Variants in KMO observed in about 807,000 individuals in gnomAD.
KMO encodes the protein kynurenine 3-monooxygenase.
KMO carries 24 observed loss-of-function variants against 57.8 expected under a neutral mutation model. The ratio of observed to expected loss-of-function variants is 0.42; its 90% CI spans 0.30 to 0.58. The LOEUF is 0.58. KMO is among the 20% of genes least tolerant of loss of function. The pLI, the probability that KMO is intolerant of heterozygous loss-of-function variation, is 0.22. For synonymous variants in KMO, 210 were observed against 193.6 expected (o/e 1.08, Z -0.70); for missense variants, 483 against 588.2 (o/e 0.82, Z 1.85).
Position 241,560,601 on chromosome 1 carries a change from A to G in KMO, c.362-64A>G, listed in dbSNP as rs1052609571. The G allele has an allele frequency of 6.0e-6, 7 of 1,157,604 alleles. No individual in the cohort carries two copies. In the African/African-American group the frequency reaches 9.1e-5, roughly 15 times the overall value. The allele number at this position is 1,157,604 out of a possible 1,614,324, so 71.7% of individuals were successfully genotyped here. The stretch of plus-strand genomic sequence containing the variant: ...TTCCCAGAAAACAATTACTATTTCA[A>G]TTTGATTAAGTGAAGTAAGAATTGA... On this transcript the variant is annotated intron_variant, in intron 5 of 14. Coordinates refer to ENST00000366559, the MANE Select transcript of KMO (RefSeq NM_003679.5).
At chr1:241,551,156 G>T in intron 4 of KMO, 112 bp downstream of exon 4, 1 of 682,968 alleles carries the variant, frequency 1.5e-6, no homozygotes, top group South Asian at 1.8e-5. Flanking sequence ...ACATTGCTTG[G>T]CTCAGTCTAG....
intron 10 of KMO, chr1:241,586,442 C>T (rs530196762): frequency 7.8e-4 from 329 of 421,466 alleles, no homozygotes; most frequent in African/African-American, 5.4e-3. Context: ...TCAAGCGATC[C>T]GCTCACCTCG....
intron 8 of KMO, among the ~76,000 whole-genome samples, chr1:241,566,160 TG>T (rs1368495544): frequency 2.0e-5 from 3 of 152,142 alleles, no homozygotes; most frequent in African/African-American, 7.2e-5. Flanking sequence ...GAGCTGAGAT[TG>T]CCCCACAGCA....
Position 241,594,660 on chromosome 1 carries a change from A to C in KMO, c.*2507A>C, listed in dbSNP as rs1404609200. 4 of 1,613,896 alleles carry C rather than the reference A, an allele frequency of 2.5e-6. No homozygotes were observed. Among genetic ancestry groups the C allele is most frequent in the South Asian group, 2.2e-5 (2 of 91,076 alleles). Reference sequence around the variant, plus strand: ...AGGCCTCTGGCACCTCAGCAGTCGGAGGCACAGAAGCTGCAAAAGGGATCT... The same window carrying C: ...AGGCCTCTGGCACCTCAGCAGTCGGCGGCACAGAAGCTGCAAAAGGGATCT... On this transcript the variant is annotated 3_prime_UTR_variant, in exon 15 of 15. Transcript: ENST00000366559.
At chr1:241,584,676 C>A (rs1433567618) in intron 10 of KMO, among the ~76,000 whole-genome samples, 2 of 152,110 alleles carry the variant, frequency 1.3e-5, no homozygotes, top group African/African-American at 4.8e-5. Flanking sequence ...GCTTCATAAT[C>A]ATTAATCATA....
intron 5 of KMO, among the ~76,000 whole-genome samples, chr1:241,557,077 A>G (rs1210722634): frequency 2.0e-5 from 3 of 151,692 alleles, no homozygotes; most frequent in African/African-American, 7.3e-5. Flanking sequence ...GATATTTGTA[A>G]GAGAACAAAT....
rs1208868987 is a variant in KMO at position 241,590,232 on chromosome 1, A to T, written c.1229A>T (p.Glu410Val). ...MVTFSRIRYH[E>V]AVQRWHWQKK... ...ACTTTTTCCAGAATAAGATACCATG[A>T]GGCTGTGCAGCGTTGGCATTGGCAA... is the stretch of plus-strand genomic sequence containing the variant. The change falls in exon 14 of 15, where the codon GAG (glutamate) becomes GTG (valine). Residue 410 changes from glutamate to valine, a missense_variant. By Grantham distance (121) the Glu-to-Val change is moderately radical. This residue lies in a region of KMO where 410 missense variants were observed against 492.3 expected (regional missense o/e 0.83). Coordinates refer to ENST00000366559, the MANE Select transcript of KMO (RefSeq NM_003679.5). 1 of 1,613,754 alleles carries T rather than the reference A, an allele frequency of 6.2e-7. No homozygotes were observed. The highest frequency in any genetic ancestry group is 8.5e-7 in the Non-Finnish European group (1 of 1,179,838).
chr1:241,553,827 T>C (rs1016922119), intron 4 of KMO, among the ~76,000 whole-genome samples: 2 of 152,238 alleles, frequency 1.3e-5, no homozygotes, highest in Admixed American at 1.3e-4. Context: ...AAGATGTTTC[T>C]GTTCATTTTA....
At chr1:241,582,956 C>T (rs12068119) in intron 10 of KMO, among the ~76,000 whole-genome samples, 11 of 152,134 alleles carry the variant, frequency 7.2e-5, no homozygotes, top group Non-Finnish European at 1.0e-4. Flanking sequence ...ATGAGTGTTG[C>T]GGTCTAAGTT....
chr1:241,547,387 A>AT (rs1491095956), intron 1 of KMO, among the ~76,000 whole-genome samples: 1 of 152,126 alleles, frequency 6.6e-6, no homozygotes, highest in Non-Finnish European at 1.5e-5. Flanking sequence ...TAAAAATGAC[A>AT]AAGACTCTAT....
intron 10 of KMO, among the ~76,000 whole-genome samples, chr1:241,580,749 A>AT (rs536395616): frequency 1.6e-4 from 24 of 151,786 alleles, no homozygotes; most frequent in African/African-American, 2.9e-4. Context: ...ATTTTTTGAG[A>AT]TTTTTTTTGT....
At chr1:241,535,140 A>G (rs943146505) in intron 1 of KMO, among the ~76,000 whole-genome samples, 3 of 152,160 alleles carry the variant, frequency 2.0e-5, no homozygotes, top group Non-Finnish European at 4.4e-5. Flanking sequence ...TAACAGATGC[A>G]TGTTTGAATA....
In KMO at chr1:241,591,938, C is replaced by T. The variant is rs1663317179; in HGVS notation, c.1261-15C>T. ...TCTCTGGACAAATGAAATGAGAGTT[C>T]TTGCTGTCTTACAGGTGATAAACAA... On this transcript the variant is annotated splice_polypyrimidine_tract_variant and intron_variant, in intron 14 of 14. Transcript: ENST00000366559. 1 of 1,605,588 alleles carries T rather than the reference C, an allele frequency of 6.2e-7. No individual in the cohort carries two copies. The highest frequency in any genetic ancestry group is 1.1e-5 in the South Asian group (1 of 90,570).
intron 10 of KMO, 124 bp downstream of exon 10, chr1:241,568,771 G>T (rs1048033660): frequency 5.5e-6 from 5 of 910,650 alleles, no homozygotes; most frequent in Non-Finnish European, 8.2e-6. Flanking sequence ...AATCAATTCA[G>T]CAATCATACC....
At chr1:241,560,893 A>G (rs2077064308) in intron 6 of KMO, 141 bp downstream of exon 6, 3 of 649,226 alleles carry the variant, frequency 4.6e-6, no homozygotes, top group Middle Eastern at 2.5e-4. Context: ...GATTCAAGGA[A>G]TTTTAGATTG....
chr1:241,571,791 G>A (rs898993024), intron 10 of KMO, among the ~76,000 whole-genome samples: 2 of 151,446 alleles, frequency 1.3e-5, no homozygotes, highest in Non-Finnish European at 2.9e-5. Flanking sequence ...GGTAAGGCTG[G>A]CCTCTTAGAA....
At chr1:241,553,987 T>A (rs938749550) in intron 4 of KMO, among the ~76,000 whole-genome samples, 15 of 152,182 alleles carry the variant, frequency 9.9e-5, no homozygotes, top group African/African-American at 3.4e-4. Flanking sequence ...AAAATATTTG[T>A]TATGTCCCAT....
At chr1:241,581,327 G>A (rs1159255467) in intron 10 of KMO, among the ~76,000 whole-genome samples, 1 of 151,960 alleles carries the variant, frequency 6.6e-6, no homozygotes, top group Non-Finnish European at 1.5e-5. Flanking sequence ...TTTAGTTTCA[G>A]TATTACTAAT....
intron 1 of KMO, among the ~76,000 whole-genome samples, chr1:241,533,658 A>G (rs1660656036): frequency 6.6e-6 from 1 of 152,362 alleles, no homozygotes; most frequent in South Asian, 2.1e-4. Context: ...ACTATGTACC[A>G]ATATTGTTTT....
Sources: gnomAD v4.1 joint callset for allele counts (sites outside exome capture counted in the v4.1 genomes callset) on GRCh38, gnomAD v4.1.1 for gene constraint, gnomAD v4.1.1 regional missense constraint, MANE v1.5 for transcripts, NCBI Gene and HGNC (gene_info 2026-07-23, HGNC 2026-07-21) for gene names.